PAM: variants seen among roughly 807,000 people sequenced by gnomAD.
PAM encodes the protein peptidyl-glycine alpha-amidating monooxygenase.
A neutral mutation model predicts 122.1 loss-of-function variants in PAM; 72 were observed. That is an observed-to-expected ratio of 0.59 (90% CI 0.49 to 0.72). The LOEUF (loss-of-function observed/expected upper bound fraction) is 0.72, where lower values mean the gene tolerates loss of function less well. Ranked by LOEUF, PAM falls within the 30% of genes least tolerant of loss-of-function variation. PAM has a pLI of 0.00. For missense variants in PAM, 1,106 were observed against 1,183.7 expected, an observed-to-expected ratio of 0.93 and a Z score of 0.96; for synonymous variants, 389 against 404.4, an observed-to-expected ratio of 0.96 and a Z score of 0.46.
rs146750805 is a variant in PAM, at chr5:102,936,999, A to G, written c.527-9838A>G. ...CCAAAATAAGTTTAATTAAATCTCA[A>G]TTCTCTTAAGAAAAGGGGAGCTTTG... On this transcript the variant is annotated intron_variant, in intron 7 of 25. Transcript: ENST00000438793. 5.1e-3 allele frequency among the ~76,000 whole-genome samples: 779 copies of G among 152,264 alleles called. 7 individuals carry two copies. Among genetic ancestry groups the G allele is most frequent in the African/African-American group, 0.018 (739 of 41,574 alleles).
chr5:102,811,464 T>G (rs1283314073), intron 1 of PAM, among the ~76,000 whole-genome samples: 2 of 152,186 alleles, frequency 1.3e-5, no homozygotes, highest in Non-Finnish European at 2.9e-5. Flanking sequence ...GCCAGGAAAT[T>G]TATCCACTTT....
At chr5:102,810,221 C>A (rs1446862030) in intron 1 of PAM, among the ~76,000 whole-genome samples, 1 of 152,096 alleles carries the variant, frequency 6.6e-6, no homozygotes, top group Admixed American at 6.5e-5. Context: ...ATTTTGAACC[C>A]TTAAAATATC....
chr5:102,803,209 A>AAG (rs1561487405), intron 1 of PAM, among the ~76,000 whole-genome samples: 10 of 31,150 alleles, frequency 3.2e-4, no homozygotes, highest in Non-Finnish European at 5.0e-4. Context: ...AAGGAAGGAA[A>AAG]GAAGGAAGGA....
chr5:102,935,606 TC>T (rs1421867365), intron 7 of PAM, among the ~76,000 whole-genome samples: 1 of 152,122 alleles, frequency 6.6e-6, no homozygotes, highest in Non-Finnish European at 1.5e-5. Context: ...ACCAAATCGC[TC>T]GACAGTTTTT....
chr5:102,978,763 G>A (rs2150531698), intron 15 of PAM, among the ~76,000 whole-genome samples: 1 of 151,768 alleles, frequency 6.6e-6, no homozygotes, highest in South Asian at 2.1e-4. Flanking sequence ...TTCAAGTCTT[G>A]CAGAATTTTC....
At chr5:102,939,695 T>C (rs79614610) in intron 7 of PAM, among the ~76,000 whole-genome samples, 2,111 of 152,250 alleles carry the variant, frequency 0.014, 25 homozygotes, top group Non-Finnish European at 0.021. Flanking sequence ...GAAAAATTAA[T>C]ACTAAATCAA....
chr5:102,897,314 T>C (rs1796491439), intron 3 of PAM, among the ~76,000 whole-genome samples: 1 of 151,668 alleles, frequency 6.6e-6, no homozygotes, highest in South Asian at 2.1e-4. Context: ...TTACCAACTT[T>C]CTGATTAGCT....
chr5:102,810,590 G>A (rs905202657), intron 1 of PAM, among the ~76,000 whole-genome samples: 3 of 152,174 alleles, frequency 2.0e-5, no homozygotes, highest in Non-Finnish European at 2.9e-5. Context: ...CAGCACTTTG[G>A]GAGGCTGAGG....
At chr5:102,867,227 A>G in intron 2 of PAM, 46 bp from the exon 3 acceptor site, 1 of 1,370,842 alleles carries the variant, frequency 7.3e-7, no homozygotes, top group Non-Finnish European at 1.0e-6. Flanking sequence ...TGTTGAGTTT[A>G]GATTCCATTA....
Position 102,866,103 on chromosome 5 carries a change from AGCGGCTGCTG to A in PAM, c.-87_-78del, listed in dbSNP as rs1453530132. On this transcript the variant is annotated 5_prime_UTR_variant, in exon 2 of 26. Transcript: ENST00000438793. The stretch of plus-strand genomic sequence containing the variant: ...GCCCGCCGTGCCCGGGCCATGAAGT[AGCGGCTGCTG>A]GCGGCGCCGCTGCCCAACCGCCAGC... 16 of 754,510 alleles carry A rather than the reference AGCGGCTGCTG, an allele frequency of 2.1e-5. No homozygotes were observed. The highest frequency in any genetic ancestry group is 3.0e-5 in the Non-Finnish European group (14 of 460,690). The allele number at this position is 754,510 out of a possible 1,614,324, so 46.7% of individuals were successfully genotyped here. A position where few individuals can be genotyped will look rare whatever the true frequency, so the allele number is the denominator to read the frequency against.
intron 1 of PAM, among the ~76,000 whole-genome samples, chr5:102,859,964 C>T (rs978221645): frequency 3.3e-5 from 5 of 152,200 alleles, no homozygotes; most frequent in Admixed American, 1.3e-4. Flanking sequence ...TATGTAAGTA[C>T]AGCCAATGAT....
chr5:102,862,915 T>C (rs1784567538), intron 1 of PAM, among the ~76,000 whole-genome samples: 1 of 152,048 alleles, frequency 6.6e-6, no homozygotes, highest in Non-Finnish European at 1.5e-5. Context: ...CTCTTATAAA[T>C]GAATACACGA....
chr5:103,011,365 CACAA>C (rs1160776329), intron 21 of PAM, among the ~76,000 whole-genome samples: 65 of 145,400 alleles, frequency 4.5e-4, no homozygotes, highest in African/African-American at 1.6e-3. Flanking sequence ...TACACACACA[CACAA>C]ACACACACTC....
intron 20 of PAM, 131 bp from the exon 21 acceptor site, chr5:103,009,620 T>C (rs574365706): frequency 3.4e-6 from 2 of 584,506 alleles, no homozygotes; most frequent in South Asian, 3.6e-5. Flanking sequence ...GTATTTTATA[T>C]TCTACTTTTG....
At chr5:102,803,321 G>A (rs74898022) in intron 1 of PAM, among the ~76,000 whole-genome samples, 3,974 of 152,238 alleles carry the variant, frequency 0.026, 104 homozygotes, top group East Asian at 0.14. Context: ...GTAGCTAGAT[G>A]TAGGTAAGAG....
chr5:102,812,880 A>G (rs1048623800), intron 1 of PAM, among the ~76,000 whole-genome samples: 4 of 152,132 alleles, frequency 2.6e-5, no homozygotes, highest in African/African-American at 7.2e-5. Context: ...GTACATAGTA[A>G]GCTCATTTCA....
intron 3 of PAM, among the ~76,000 whole-genome samples, chr5:102,883,318 C>T (rs1290010203): frequency 6.6e-6 from 1 of 151,918 alleles, no homozygotes; most frequent in African/African-American, 2.4e-5. Context: ...TGGTCATTTT[C>T]ACAATGTTGA....
At chr5:102,888,940 A>G (rs759418095) in intron 3 of PAM, among the ~76,000 whole-genome samples, 5 of 152,000 alleles carry the variant, frequency 3.3e-5, no homozygotes, top group African/African-American at 1.2e-4. Flanking sequence ...AACATTAACT[A>G]AATGTAAAAG....
chr5:102,755,837 T>G (rs1750107108), intron 1 of PAM, among the ~76,000 whole-genome samples: 1 of 151,196 alleles, frequency 6.6e-6, no homozygotes, highest in African/African-American at 2.4e-5. Flanking sequence ...ACCTGGGGTG[T>G]GGAGTGGGGG....
Sources: allele counts gnomAD v4.1 joint callset (sites outside exome capture counted in the v4.1 genomes callset), GRCh38; gene constraint gnomAD v4.1.1; transcripts MANE v1.5; gene names NCBI Gene and HGNC (gene_info 2026-07-23, HGNC 2026-07-21).